The following MAP3K5 variants were observed in gnomAD, a reference collection of about 807,000 sequenced individuals.
MAP3K5 encodes mitogen-activated protein kinase kinase kinase 5.
Under a neutral mutation model 158.7 loss-of-function variants are expected in MAP3K5, and 56 were observed. The ratio of observed to expected loss-of-function variants is 0.35; its 90% CI spans 0.28 to 0.44. MAP3K5 has a LOEUF of 0.44. Ranked by LOEUF, MAP3K5 falls within the 20% of genes least tolerant of loss-of-function variation. MAP3K5 has a pLI of 1.00. For synonymous variants in MAP3K5, 579 were observed against 601.7 expected (o/e 0.96, Z 0.55); for missense variants, 1,294 against 1,674.8 (o/e 0.77, Z 3.97).
intron 24 of MAP3K5, among the ~76,000 whole-genome samples, chr6:136,580,935 C>G (rs1247466955): frequency 1.3e-5 from 2 of 152,118 alleles, no homozygotes; most frequent in African/African-American, 4.8e-5. Context: ...CCGCCTCAGC[C>G]TCCCAAAGTG....
intron 11 of MAP3K5, among the ~76,000 whole-genome samples, chr6:136,644,717 A>G (rs1778162219): frequency 6.6e-6 from 1 of 152,204 alleles, no homozygotes; most frequent in Admixed American, 6.5e-5. Flanking sequence ...GATTAGTCTA[A>G]ATTGGCCACG....
chr6:136,594,709 A>T (rs1775544355), intron 21 of MAP3K5, among the ~76,000 whole-genome samples: 1 of 152,174 alleles, frequency 6.6e-6, no homozygotes, highest in African/African-American at 2.4e-5. Flanking sequence ...CATATTTCAA[A>T]GACAAAATTG....
At chr6:136,732,553 T>C (rs1005380696) in intron 1 of MAP3K5, among the ~76,000 whole-genome samples, 1 of 152,204 alleles carries the variant, frequency 6.6e-6, no homozygotes, top group Non-Finnish European at 1.5e-5. Flanking sequence ...AGTGACTTGC[T>C]GATAGACAGC....
chr6:136,586,990 T>C (rs1562525710), intron 23 of MAP3K5, among the ~76,000 whole-genome samples: 1 of 152,248 alleles, frequency 6.6e-6, no homozygotes, highest in African/African-American at 2.4e-5. Flanking sequence ...CTTGTGATTA[T>C]GTGAGTTAAT....
chr6:136,576,286 T>C (rs367850390), intron 25 of MAP3K5, among the ~76,000 whole-genome samples: 7 of 152,246 alleles, frequency 4.6e-5, no homozygotes, highest in Admixed American at 2.0e-4. Flanking sequence ...ACTTTCTTAT[T>C]TCTGGCATCA....
At chr6:136,750,273 TCGC>T (rs1783144588) in intron 1 of MAP3K5, among the ~76,000 whole-genome samples, 1 of 152,208 alleles carries the variant, frequency 6.6e-6, no homozygotes, top group South Asian at 2.1e-4. Context: ...ACACAGGGTT[TCGC>T]CATCTTGGCC....
chr6:136,675,394 C>T (rs1256138914), intron 7 of MAP3K5, among the ~76,000 whole-genome samples: 3 of 151,856 alleles, frequency 2.0e-5, no homozygotes, highest in African/African-American at 7.3e-5. Flanking sequence ...TATTCTGGGC[C>T]GTAAAGTACT....
At chr6:136,676,873 C>A (rs1476582125) in intron 7 of MAP3K5, among the ~76,000 whole-genome samples, 1 of 149,938 alleles carries the variant, frequency 6.7e-6, no homozygotes, top group African/African-American at 2.5e-5. Context: ...CTTGCTGCAA[C>A]CTCCGCCTCC....
chr6:136,625,758 A>C (rs1438277797), intron 14 of MAP3K5, among the ~76,000 whole-genome samples: 2 of 152,230 alleles, frequency 1.3e-5, no homozygotes, highest in Non-Finnish European at 2.9e-5. Flanking sequence ...CTCACAATCC[A>C]AAAAATATAA....
At chr6:136,749,368 G>T (rs1198025921) in intron 1 of MAP3K5, among the ~76,000 whole-genome samples, 1 of 142,348 alleles carries the variant, frequency 7.0e-6, no homozygotes, top group Admixed American at 7.2e-5. Context: ...GCGAAACTCT[G>T]TATCAAAAAA....
At chr6:136,757,575 A>ATTTTTTTTTTTTTTTTTTTTTTTTTT (rs1266911449) in intron 1 of MAP3K5, among the ~76,000 whole-genome samples, 1 of 111,276 alleles carries the variant, frequency 9.0e-6, no homozygotes, top group African/African-American at 3.3e-5. Context: ...AGATTTATTT[A>ATTTTTTTTTTTTTTTTTTTTTTTTTT]TTTATTTTTT....
chr6:136,626,794 CT>C (rs1777058293), intron 14 of MAP3K5, among the ~76,000 whole-genome samples: 1 of 149,542 alleles, frequency 6.7e-6, no homozygotes, highest in African/African-American at 2.5e-5. Context: ...AAAAAACCAA[CT>C]TTCAATAACC....
chr6:136,582,339 C>T (rs1774929331), intron 24 of MAP3K5, among the ~76,000 whole-genome samples: 1 of 151,300 alleles, frequency 6.6e-6, no homozygotes, highest in Non-Finnish European at 1.5e-5. Context: ...AGGAGTACAA[C>T]CCAATAGCTC....
chr6:136,604,208 G>A (rs1018096502), intron 19 of MAP3K5, among the ~76,000 whole-genome samples: 1 of 152,000 alleles, frequency 6.6e-6, no homozygotes, highest in African/African-American at 2.4e-5. Flanking sequence ...TGCAATCCCA[G>A]CTACTCAGGA....
intron 1 of MAP3K5, among the ~76,000 whole-genome samples, chr6:136,762,823 G>T (rs1050584916): frequency 6.6e-6 from 1 of 152,092 alleles, no homozygotes. Flanking sequence ...TCTCCTGGAG[G>T]TTTCTAGCAC....
chr6:136,747,491 C>T (rs1427398573), intron 1 of MAP3K5, among the ~76,000 whole-genome samples: 5 of 152,150 alleles, frequency 3.3e-5, no homozygotes, highest in Middle Eastern at 3.2e-3. Flanking sequence ...CCAACAGAAC[C>T]GAAAACCCAC....
At chr6:136,588,957 C>T (rs985294767) in intron 23 of MAP3K5, among the ~76,000 whole-genome samples, 1 of 152,214 alleles carries the variant, frequency 6.6e-6, no homozygotes, top group African/African-American at 2.4e-5. Context: ...GTGTAGAAAA[C>T]ACTCATTTCA....
intron 1 of MAP3K5, among the ~76,000 whole-genome samples, chr6:136,758,375 T>C (rs1783597664): frequency 6.6e-6 from 1 of 152,260 alleles, no homozygotes; most frequent in African/African-American, 2.4e-5. Context: ...CTCATAACTT[T>C]ACATATGATG....
chr6:136,752,560 T>C (rs1783261731), intron 1 of MAP3K5, among the ~76,000 whole-genome samples: 1 of 152,134 alleles, frequency 6.6e-6, no homozygotes, highest in Non-Finnish European at 1.5e-5. Context: ...TACAGGCGCG[T>C]GCCACCACAC....
Sources: allele counts gnomAD v4.1 joint callset (sites outside exome capture counted in the v4.1 genomes callset), GRCh38; gene constraint gnomAD v4.1.1; transcripts MANE v1.5; gene names NCBI Gene and HGNC (gene_info 2026-07-23, HGNC 2026-07-21).